ITGB2: variants seen among roughly 807,000 people sequenced by gnomAD.
ITGB2 encodes integrin subunit beta 2.
In ITGB2, 56 loss-of-function variants were observed where a neutral mutation model predicts 86.8. The ratio of observed to expected loss-of-function variants is 0.65; its 90% CI spans 0.52 to 0.81. The LOEUF is 0.81. Ranked by LOEUF, ITGB2 falls within the 30% of genes least tolerant of loss-of-function variation. The pLI is 0.00. For missense variants in ITGB2, 948 were observed against 1,061.2 expected (o/e 0.89, Z 1.48); for synonymous variants, 457 against 450.4 (o/e 1.01, Z -0.19).
chr21:44,900,893 C>T (rs1027840115), intron 6 of ITGB2, among the ~76,000 whole-genome samples: 1 of 152,210 alleles, frequency 6.6e-6, no homozygotes, highest in African/African-American at 2.4e-5. Flanking sequence ...TTGACAGCCC[C>T]TGGCAGGCGC....
At chr21:44,892,599 C>A (rs1387281605) in intron 10 of ITGB2, among the ~76,000 whole-genome samples, 5 of 70,682 alleles carry the variant, frequency 7.1e-5, no homozygotes, top group East Asian at 8.5e-4. Flanking sequence ...AGCGAAACTC[C>A]ATCTCAAAAA....
intron 5 of ITGB2, among the ~76,000 whole-genome samples, chr21:44,902,023 T>G (rs2083967564): frequency 6.6e-6 from 1 of 152,256 alleles, no homozygotes; most frequent in African/African-American, 2.4e-5. Context: ...CATGTGGGCA[T>G]GTGAACAGGT....
intron 8 of ITGB2, among the ~76,000 whole-genome samples, chr21:44,895,690 A>T (rs957780171): frequency 5.3e-5 from 8 of 150,400 alleles, no homozygotes; most frequent in African/African-American, 2.0e-4. Flanking sequence ...AAAATACAAA[A>T]ATTAGCTGGG....
chr21:44,908,367 C>T (rs1008361404), intron 3 of ITGB2, among the ~76,000 whole-genome samples: 6 of 145,406 alleles, frequency 4.1e-5, no homozygotes, highest in South Asian at 2.1e-4. Flanking sequence ...ATGACCTTGG[C>T]GCCACCACCC....
At chr21:44,892,604 C>CAA (rs11327948) in intron 10 of ITGB2, among the ~76,000 whole-genome samples, 3,624 of 70,294 alleles carry the variant, frequency 0.052, 453 homozygotes, top group African/African-American at 0.17. Flanking sequence ...AACTCCATCT[C>CAA]AAAAAAAAAA....
chr21:44,891,014 A>T (rs533572879), intron 11 of ITGB2, among the ~76,000 whole-genome samples: 2 of 152,112 alleles, frequency 1.3e-5, no homozygotes, highest in South Asian at 4.1e-4. Context: ...TGGGGGCAGC[A>T]GGGACCTGAA....
intron 11 of ITGB2, 104 bp downstream of exon 11, chr21:44,891,705 G>T (rs987256152): frequency 2.3e-6 from 3 of 1,321,394 alleles, no homozygotes; most frequent in South Asian, 2.5e-5. Context: ...TGCTCCGTGG[G>T]GTGGGGGAAG....
At chr21:44,911,926 G>A (rs2084140282) in intron 1 of ITGB2, among the ~76,000 whole-genome samples, 1 of 152,096 alleles carries the variant, frequency 6.6e-6, no homozygotes, top group Non-Finnish European at 1.5e-5. Flanking sequence ...GGTGGGGTGG[G>A]CCCCTGGGTC....
chr21:44,893,030 T>G, intron 10 of ITGB2: 1 of 301,394 alleles, frequency 3.3e-6, no homozygotes, highest in Non-Finnish European at 6.6e-6. Flanking sequence ...GGGCTCCAGG[T>G]TGATGAGTAG....
chr21:44,906,670 C>G (rs906781104), intron 4 of ITGB2, among the ~76,000 whole-genome samples: 4 of 151,984 alleles, frequency 2.6e-5, no homozygotes, highest in African/African-American at 9.7e-5. Flanking sequence ...CGTCGGGCTG[C>G]GAGAGAGTGC....
At chr21:44,895,700 G>T (rs2083854532) in intron 8 of ITGB2, among the ~76,000 whole-genome samples, 1 of 151,442 alleles carries the variant, frequency 6.6e-6, no homozygotes, top group Admixed American at 6.6e-5. Flanking sequence ...AATTAGCTGG[G>T]CGTGGTGGTG....
Position 44,888,836 on chromosome 21 carries a change from G to T in ITGB2, c.1937C>A (p.Ala646Glu). 1 of 1,610,480 alleles carries T rather than the reference G, an allele frequency of 6.2e-7. No homozygotes were observed. Among genetic ancestry groups the T allele is most frequent in the Non-Finnish European group, 8.5e-7 (1 of 1,179,966 alleles). ...GTTCGACAGCTGCAGGCCCGGACAC[G>T]CCGCGCTGCAGTTCTTCCCAAAGGG... is the stretch of plus-strand genomic sequence containing the variant. ...KGPFGKNCSA[A>E]CPGLQLSNNP... Residue 646 changes from alanine (A) to glutamate (E), a missense_variant, in exon 14 of 16, where the codon GCG (alanine) becomes GAG (glutamate). By Grantham distance (107) the Ala-to-Glu change is moderately radical. Coordinates refer to ENST00000652462, the MANE Select transcript of ITGB2 (RefSeq NM_000211.5).
chr21:44,904,969 AC>A (rs1256703287), intron 4 of ITGB2, among the ~76,000 whole-genome samples: 1 of 152,178 alleles, frequency 6.6e-6, no homozygotes, highest in African/African-American at 2.4e-5. Context: ...TGGGCCAAGG[AC>A]CCCAATCACT....
At chr21:44,906,079 T>C (rs1477669369) in intron 4 of ITGB2, among the ~76,000 whole-genome samples, 3 of 152,032 alleles carry the variant, frequency 2.0e-5, no homozygotes, top group Non-Finnish European at 2.9e-5. Context: ...TTCTCCCATC[T>C]GCTGCACCAC....
intron 1 of ITGB2, among the ~76,000 whole-genome samples, chr21:44,916,072 A>T (rs2084205089): frequency 6.6e-6 from 1 of 152,026 alleles, no homozygotes; most frequent in African/African-American, 2.4e-5. Flanking sequence ...ATAGGTGCAC[A>T]CCACTAGGCC....
chr21:44,902,323 G>A (rs961753411), intron 5 of ITGB2, among the ~76,000 whole-genome samples: 7 of 152,252 alleles, frequency 4.6e-5, no homozygotes, highest in African/African-American at 1.7e-4. Flanking sequence ...GTGTGCACAT[G>A]CAAGTGTGAG....
At chr21:44,906,863 G>GT in intron 4 of ITGB2, 52 bp downstream of exon 4, 1 of 1,599,072 alleles carries the variant, frequency 6.3e-7, no homozygotes, top group Non-Finnish European at 8.6e-7. Context: ...CCCAGCCAGA[G>GT]CCAATAACCA....
intron 1 of ITGB2, among the ~76,000 whole-genome samples, chr21:44,926,222 TG>T (rs35399778): frequency 0.33 from 50,675 of 151,934 alleles, 9,877 homozygotes; most frequent in African/African-American, 0.54. Context: ...GACCTTGCTA[TG>T]GGGGGACCCA....
chr21:44,901,593 AGTT>A lies in ITGB2; in HGVS notation c.637_639del (p.Asn213del), dbSNP rs1355797297. ...CCGACCTCGGTCTGAAACTGGTTGG[AGTT>A]GTTGGTCAGCTTCAGCACGTGCCTG... is the stretch of plus-strand genomic sequence containing the variant. On this transcript the variant is annotated inframe_deletion, in exon 6 of 16. Transcript: ENST00000652462. 1 of 1,614,176 alleles carries A rather than the reference AGTT, an allele frequency of 6.2e-7. No individual in the cohort carries two copies. The highest frequency in any genetic ancestry group is 8.5e-7 in the Non-Finnish European group (1 of 1,180,034).
Sources: gnomAD v4.1 joint callset for allele counts (sites outside exome capture counted in the v4.1 genomes callset) on GRCh38, gnomAD v4.1.1 for gene constraint, MANE v1.5 for transcripts, NCBI Gene and HGNC (gene_info 2026-07-23, HGNC 2026-07-21) for gene names.